Variants in FHIP2B observed in about 807,000 individuals in gnomAD.
FHIP2B encodes FHF complex subunit HOOK interacting protein 2B.
In FHIP2B, 72 loss-of-function variants were observed where a neutral mutation model predicts 84.0. That is an observed-to-expected ratio of 0.86 (90% confidence interval 0.71 to 1.04). The LOEUF (loss-of-function observed/expected upper bound fraction) is 1.04, where lower values mean the gene tolerates loss of function less well. Among genes scored for constraint, FHIP2B ranks in the 50% least tolerant of loss-of-function variants. FHIP2B has a pLI of 0.00. For missense variants in FHIP2B, 972 were observed against 968.9 expected, an observed-to-expected ratio of 1.00 and a Z score of -0.04; for synonymous variants, 497 against 418.7, an observed-to-expected ratio of 1.19 and a Z score of -2.28.
At position 22,102,862 on chromosome 8, in the gene FHIP2B, T is replaced by C. The variant is rs368518680; in HGVS notation, c.2163T>C (p.Ile721=). 6 of 1,613,574 alleles carry C rather than the reference T, an allele frequency of 3.7e-6. No homozygotes were observed. In the African/African-American group the frequency reaches 8.0e-5, roughly 22 times the overall value. ...LEEFCKELAA[I]AFVKFPPHDP... The stretch of plus-strand genomic sequence containing the variant: ...AGTTCTGCAAGGAGCTGGCTGCCAT[T>C]GCCTTCGTCAAGTTTCCCCCACATG... The change falls in exon 17 of 17, where the codon ATT becomes ATC. Residue 721 remains isoleucine (I), a synonymous_variant. Transcript: ENST00000289921.
chr8:22,092,440 C>T (rs184284241), intron 1 of FHIP2B, among the ~76,000 whole-genome samples: 3 of 152,044 alleles, frequency 2.0e-5, no homozygotes, highest in South Asian at 2.1e-4. Flanking sequence ...ATCAGCCAGG[C>T]GTGGTGGCAC....
At chr8:22,099,673 C>T (rs369779670) in intron 9 of FHIP2B, 31 bp from the exon 10 acceptor site, 74 of 1,542,514 alleles carry the variant, frequency 4.8e-5, no homozygotes, top group Admixed American at 8.7e-5. Context: ...CTGCACACAC[C>T]GGGCCTGGCT....
At chr8:22,093,268 T>C (rs898886182) in intron 1 of FHIP2B, among the ~76,000 whole-genome samples, 1 of 152,208 alleles carries the variant, frequency 6.6e-6, no homozygotes, top group Admixed American at 6.5e-5. Flanking sequence ...ATGATTAGAA[T>C]TCTTTTTTTC....
intron 2 of FHIP2B, 21 bp downstream of exon 2, chr8:22,094,539 G>C (rs749247106): frequency 6.2e-7 from 1 of 1,608,752 alleles, no homozygotes; most frequent in South Asian, 1.1e-5. Flanking sequence ...GCCCTCCCCA[G>C]CCCAGGGACC....
Position 22,101,266 on chromosome 8 carries a change from G to A in FHIP2B, c.1617-174G>A, listed in dbSNP as rs545885049. On this transcript the variant is annotated intron_variant, in intron 12 of 16. Transcript: ENST00000289921. ...TCGAACTCCTGACCTCAGGTGATCC[G>A]CCCACCTCAGCCTCCCAAAGTGCTG... The A allele has an allele frequency of 2.4e-4, 152 of 642,360 alleles. No homozygotes were observed. The East Asian group carries it at 2.5e-3, about 11-fold the overall frequency. 39.8% of individuals were successfully genotyped at this position (642,360 alleles called of 1,614,324 possible).
chr8:22,089,702 C>A, intron 1 of FHIP2B: 1 of 1,165,278 alleles, frequency 8.6e-7, no homozygotes, highest in South Asian at 1.3e-5. Flanking sequence ...CGCTCCACCC[C>A]ACCGCCTCGC....
At chr8:22,089,449 C>G (rs1825346493) in intron 1 of FHIP2B, among the ~76,000 whole-genome samples, 151 bp downstream of exon 1, 1 of 150,838 alleles carries the variant, frequency 6.6e-6, no homozygotes, top group Admixed American at 6.6e-5. Flanking sequence ...CTTCCTCTGC[C>G]TCCCCGGCCG....
Position 22,098,265 on chromosome 8 carries a change from A to C in FHIP2B, c.723A>C (p.Thr241=). The change falls in exon 6 of 17, where the codon ACA becomes ACC. Residue 241 remains threonine, a synonymous_variant. Coordinates refer to ENST00000289921, the MANE Select transcript of FHIP2B (RefSeq NM_022749.7). ...CCGAGGAGCTGGACGGTGGGACCAC[A>C]GAGAGCAACCTGATTACCTCCCTGC... ...AETEELDGGT[T]ESNLITSLLG... 6.3e-7 allele frequency: 1 copy of C among 1,577,176 alleles called. No homozygotes were observed. Among genetic ancestry groups the C allele is most frequent in the Non-Finnish European group, 8.6e-7 (1 of 1,161,920 alleles).
At position 22,103,003 on chromosome 8, in the gene FHIP2B, G is replaced by GC. The variant is rs1826214446; in HGVS notation, c.*74dup. 1 of 1,529,904 alleles carries GC rather than the reference G, an allele frequency of 6.5e-7. No homozygotes were observed. Among genetic ancestry groups the GC allele is most frequent in the Admixed American group, 1.9e-5 (1 of 51,602 alleles). The allele number at this position is 1,529,904 out of a possible 1,614,324, so 94.8% of individuals were successfully genotyped here. ...GAGCTGCCTCCTGCCTGGCACTGCC[G>GC]CCACACTCCCCTCCTGGGATGGGGC... On this transcript the variant is annotated 3_prime_UTR_variant, in exon 17 of 17. Coordinates refer to ENST00000289921, the MANE Select transcript of FHIP2B (RefSeq NM_022749.7).
chr8:22,092,826 T>G (rs115728622), intron 1 of FHIP2B, among the ~76,000 whole-genome samples: 1 of 152,182 alleles, frequency 6.6e-6, no homozygotes, highest in Non-Finnish European at 1.5e-5. Flanking sequence ...TGTTCCAGCC[T>G]GTTAGAAGTT....
rs1385727506 is a variant in FHIP2B at position 22,104,413 on chromosome 8, A to AC, written c.*1484dup. On this transcript the variant is annotated 3_prime_UTR_variant, in exon 17 of 17. Transcript: ENST00000289921. ...GCTCTGTTCTTGGCCAAGTTTCCCC[A>AC]CCTTCTGCCCAGGACTCCACTGCTA... The AC allele has an allele frequency of 6.6e-6, 1 of 151,942 alleles. No individual in the cohort carries two copies. The highest frequency in any genetic ancestry group is 6.6e-5 in the Admixed American group (1 of 15,216). The allele number at this position is 151,942 out of a possible 1,614,324, so 9.4% of individuals were successfully genotyped here.
At chr8:22,100,774 GC>G in intron 11 of FHIP2B, 35 bp downstream of exon 11, 1 of 1,610,192 alleles carries the variant, frequency 6.2e-7, no homozygotes. Flanking sequence ...ACTCAGCCCA[GC>G]CCTTAGCACT....
In FHIP2B at chr8:22,098,605, G is replaced by A; in HGVS notation, c.951G>A (p.Glu317=). ...ACCCCGCAGACATTGCCACCTTAGA[G>A]GGCATCAGCTGGAGGTGGGTGCCCA... ...FLDPADIATL[E]GISWRLPSAP... The change falls in exon 7 of 17, where the codon GAG becomes GAA. Residue 317 remains glutamate (E), a synonymous_variant. Transcript: ENST00000289921. 1.9e-6 allele frequency: 3 copies of A among 1,574,938 alleles called. No individual in the cohort carries two copies. The highest frequency in any genetic ancestry group is 1.8e-5 in the Admixed American group (1 of 55,062).
intron 1 of FHIP2B, 100 bp from the exon 2 acceptor site, chr8:22,094,340 G>A: frequency 1.6e-6 from 2 of 1,213,256 alleles, no homozygotes; most frequent in East Asian, 2.9e-5. Context: ...TCATGAGGAG[G>A]CCTAGCATGA....
intron 1 of FHIP2B, among the ~76,000 whole-genome samples, chr8:22,093,486 A>G (rs574864136): frequency 6.6e-6 from 1 of 152,316 alleles, no homozygotes; most frequent in East Asian, 1.9e-4. Context: ...GCTTGATAGA[A>G]GGAGCCGGTA....
chr8:22,098,596 C>G lies in FHIP2B; in HGVS notation c.942C>G (p.Ala314=). 1 of 1,594,452 alleles carries G rather than the reference C, an allele frequency of 6.3e-7. No homozygotes were observed. The highest frequency in any genetic ancestry group is 1.1e-5 in the South Asian group (1 of 88,700). ...TCTTCCTGGACCCCGCAGACATTGC[C>G]ACCTTAGAGGGCATCAGCTGGAGGT... ...MPVFLDPADI[A]TLEGISWRLP... is the part of the protein sequence containing the mutation. The change falls in exon 7 of 17, where the codon GCC becomes GCG. Residue 314 remains alanine, a synonymous_variant. Coordinates refer to ENST00000289921, the MANE Select transcript of FHIP2B (RefSeq NM_022749.7).
At chr8:22,094,720 G>A in intron 2 of FHIP2B, 1 of 1,381,638 alleles carries the variant, frequency 7.2e-7, no homozygotes, top group East Asian at 3.2e-5. Flanking sequence ...TTAGCTGCCG[G>A]TCCCACTCTG....
At position 22,096,589 on chromosome 8, in the gene FHIP2B, T is replaced by C; in HGVS notation, c.297+80T>C. Reference sequence around the variant, plus strand: ...TGGCCAGGCCGAGGTGGGAGGCCTCTGTGCGCTGGGCCAGGCCGAGGTGGG... The same window carrying C: ...TGGCCAGGCCGAGGTGGGAGGCCTCCGTGCGCTGGGCCAGGCCGAGGTGGG... On this transcript the variant is annotated intron_variant, in intron 3 of 16. Coordinates refer to ENST00000289921, the MANE Select transcript of FHIP2B (RefSeq NM_022749.7). The C allele has an allele frequency of 2.1e-6, 3 of 1,417,234 alleles. No individual in the cohort carries two copies. The South Asian group carries it at 4.7e-5, about 22-fold the overall frequency. The allele number at this position is 1,417,234 out of a possible 1,614,324, so 87.8% of individuals were successfully genotyped here.
chr8:22,101,466 C>T lies in FHIP2B; in HGVS notation c.1643C>T (p.Ala548Val). The part of the protein sequence containing the change: ...NSFLCLVPEE[A>V]KTSAFLEETG... Reference sequence around the variant, plus strand: ...TTCCTGTGCCTGGTCCCCGAGGAAGCCAAGACCTCTGCCTTCCTGGAGGAG... The same window carrying T: ...TTCCTGTGCCTGGTCCCCGAGGAAGTCAAGACCTCTGCCTTCCTGGAGGAG... Residue 548 changes from alanine (A) to valine (V), a missense_variant, in exon 13 of 17, where the codon GCC becomes GTC. Physicochemically the swap from Ala to Val is moderately conservative, Grantham distance 64. Transcript: ENST00000289921. The T allele has an allele frequency of 6.2e-7, 1 of 1,612,120 alleles. No individual in the cohort carries two copies. The highest frequency in any genetic ancestry group is 1.3e-5 in the African/African-American group (1 of 75,034).
Sources: allele counts gnomAD v4.1 joint callset (sites outside exome capture counted in the v4.1 genomes callset), GRCh38; gene constraint gnomAD v4.1.1; transcripts MANE v1.5; gene names NCBI Gene and HGNC (gene_info 2026-07-23, HGNC 2026-07-21).